Variants in DOCK3 observed in about 807,000 individuals in gnomAD.
DOCK3 encodes the protein dedicator of cytokinesis 3.
A neutral mutation model predicts 265.6 loss-of-function variants in DOCK3; 60 were observed. That is an observed-to-expected ratio of 0.23 (90% confidence interval 0.18 to 0.28). The LOEUF is 0.28. DOCK3 is among the 10% of genes least tolerant of loss of function. The pLI is 1.00. For missense variants in DOCK3, 1,981 were observed against 2,594.3 expected, an observed-to-expected ratio of 0.76 and a Z score of 5.14; for synonymous variants, 881 against 938.0, an observed-to-expected ratio of 0.94 and a Z score of 1.11.
At chr3:50,769,404 T>C (rs2041128909) in intron 1 of DOCK3, among the ~76,000 whole-genome samples, 1 of 152,200 alleles carries the variant, frequency 6.6e-6, no homozygotes, top group Non-Finnish European at 1.5e-5. Context: ...AAAGTCCATA[T>C]ATGACAAACC....
chr3:51,209,359 C>T (rs1465514907), intron 13 of DOCK3, among the ~76,000 whole-genome samples: 1 of 152,140 alleles, frequency 6.6e-6, no homozygotes. Context: ...AAAGAAGCTT[C>T]ATCTTAGCTC....
At chr3:51,177,128 ACCCTGGTTAAGC>A (rs1283346071) in intron 12 of DOCK3, among the ~76,000 whole-genome samples, 1 of 152,192 alleles carries the variant, frequency 6.6e-6, no homozygotes, top group East Asian at 1.9e-4. Flanking sequence ...ATATGGTCAC[ACCCTGGTTAAGC>A]AGGTGACTCA....
At chr3:51,375,637 T>C in intron 50 of DOCK3, 111 bp from the exon 51 acceptor site, 1 of 1,244,670 alleles carries the variant, frequency 8.0e-7, no homozygotes, top group Non-Finnish European at 1.2e-6. Context: ...GCCACTGCTT[T>C]GTTTTCCCCG....
chr3:51,043,713 A>G (rs530132532), intron 5 of DOCK3, among the ~76,000 whole-genome samples: 3 of 152,210 alleles, frequency 2.0e-5, no homozygotes, highest in African/African-American at 7.2e-5. Context: ...AGTATCTATA[A>G]GGAACTTACA....
chr3:50,857,881 G>A (rs1209321848), intron 3 of DOCK3, among the ~76,000 whole-genome samples: 1 of 152,124 alleles, frequency 6.6e-6, no homozygotes, highest in Non-Finnish European at 1.5e-5. Flanking sequence ...GATTCTTCAA[G>A]GATCTAGAAC....
chr3:50,784,474 T>C (rs1318458584), intron 2 of DOCK3, among the ~76,000 whole-genome samples: 1 of 152,212 alleles, frequency 6.6e-6, no homozygotes, highest in Non-Finnish European at 1.5e-5. Context: ...TTTTGCTTAG[T>C]CTTGCTTCGG....
At chr3:50,906,659 T>C (rs1158260807) in intron 4 of DOCK3, among the ~76,000 whole-genome samples, 3 of 152,106 alleles carry the variant, frequency 2.0e-5, no homozygotes, top group Non-Finnish European at 4.4e-5. Context: ...TCTCTTTTCT[T>C]TGTTATTCTT....
At chr3:50,822,084 C>T (rs559642435) in intron 2 of DOCK3, among the ~76,000 whole-genome samples, 5 of 152,160 alleles carry the variant, frequency 3.3e-5, no homozygotes, top group East Asian at 3.9e-4. Context: ...ATCTGTAGAT[C>T]GCTTTGGGCA....
Position 50,964,880 on chromosome 3 carries a change from C to T in DOCK3, c.315+30803C>T, listed in dbSNP as rs73081190. Among the ~76,000 whole-genome samples the T allele has an allele frequency of 5.6e-3, 846 of 152,038 alleles. 2 individuals carry two copies. Among genetic ancestry groups the T allele is most frequent in the Admixed American group, 9.6e-3 (147 of 15,278 alleles). On this transcript the variant is annotated intron_variant, in intron 5 of 52. Coordinates refer to ENST00000266037, the MANE Select transcript of DOCK3 (RefSeq NM_004947.5). ...TAAAGAGAATAAAAAATAAGGATAA[C>T]AAGAGCTCTCATCAGAAACAATGTA...
At chr3:51,054,161 A>G (rs1233372613) in intron 5 of DOCK3, among the ~76,000 whole-genome samples, 1 of 146,834 alleles carries the variant, frequency 6.8e-6, no homozygotes, top group Non-Finnish European at 1.5e-5. Flanking sequence ...TTGTGGGAGA[A>G]TTTTTATTTT....
chr3:51,004,411 T>C (rs1402126795), intron 5 of DOCK3, among the ~76,000 whole-genome samples: 1 of 152,176 alleles, frequency 6.6e-6, no homozygotes, highest in Non-Finnish European at 1.5e-5. Context: ...TCCAGATTCC[T>C]GATCCATAAA....
At chr3:51,176,001 A>G (rs1362621238) in intron 12 of DOCK3, among the ~76,000 whole-genome samples, 1 of 152,336 alleles carries the variant, frequency 6.6e-6, no homozygotes, top group African/African-American at 2.4e-5. Flanking sequence ...GGAAGACTCA[A>G]ATAAGTCTGT....
intron 5 of DOCK3, among the ~76,000 whole-genome samples, chr3:50,965,268 G>A (rs972374734): frequency 2.0e-5 from 3 of 152,084 alleles, no homozygotes; most frequent in Admixed American, 6.5e-5. Flanking sequence ...AAAATGAAGG[G>A]TATTAGAATT....
intron 51 of DOCK3, chr3:51,379,450 T>C: frequency 1.0e-6 from 1 of 985,470 alleles, no homozygotes; most frequent in Non-Finnish European, 1.2e-6. Flanking sequence ...ACCCTTCAGC[T>C]GTGCCAGCAG....
At chr3:50,852,798 CTTTTAT>C (rs2107405801) in intron 3 of DOCK3, among the ~76,000 whole-genome samples, 1 of 152,128 alleles carries the variant, frequency 6.6e-6, no homozygotes, top group South Asian at 2.1e-4. Flanking sequence ...GGTTTATTCA[CTTTTAT>C]TTTTAAAAGA....
chr3:50,788,089 C>G, intron 2 of DOCK3: 1 of 755,946 alleles, frequency 1.3e-6, no homozygotes, highest in Non-Finnish European at 2.2e-6. Flanking sequence ...GTTTGCTCAT[C>G]TTGGTGTCCA....
At chr3:50,948,528 T>G (rs2076502173) in intron 5 of DOCK3, among the ~76,000 whole-genome samples, 1 of 151,680 alleles carries the variant, frequency 6.6e-6, no homozygotes, top group South Asian at 2.1e-4. Context: ...TTCAGCCTCT[T>G]GAGTAGCTGG....
chr3:51,341,558 A>G (rs992667064), intron 38 of DOCK3, among the ~76,000 whole-genome samples, 173 bp downstream of exon 38: 1 of 152,152 alleles, frequency 6.6e-6, no homozygotes, highest in Non-Finnish European at 1.5e-5. Context: ...CTGAGGGAGA[A>G]AAAGACAACA....
At chr3:51,322,971 C>CA (rs796079863) in intron 32 of DOCK3, among the ~76,000 whole-genome samples, 5,099 of 109,970 alleles carry the variant, frequency 0.046, 278 homozygotes, top group African/African-American at 0.14. Context: ...AAATGGAAAG[C>CA]AAAAAAAAAA....
Sources: gnomAD v4.1 joint callset for allele counts (sites outside exome capture counted in the v4.1 genomes callset) on GRCh38, gnomAD v4.1.1 for gene constraint, MANE v1.5 for transcripts, NCBI Gene and HGNC (gene_info 2026-07-23, HGNC 2026-07-21) for gene names.